Variants in ENKUR observed in about 807,000 individuals in gnomAD.
ENKUR encodes the protein enkurin, TRPC channel interacting protein.
Under a neutral mutation model 27.6 loss-of-function variants are expected in ENKUR, and 19 were observed. The ratio of observed to expected loss-of-function variants is 0.69; its 90% CI spans 0.48 to 1.01. ENKUR has a LOEUF of 1.01. Among genes scored for constraint, ENKUR ranks in the 50% least tolerant of loss-of-function variants. ENKUR has a pLI of 0.00. For missense variants in ENKUR, 312 were observed against 310.5 expected (o/e 1.00, Z -0.04); for synonymous variants, 117 against 96.9 (o/e 1.21, Z -1.22).
chr10:25,059,747 C>A (rs1420125591), intron 2 of ENKUR, among the ~76,000 whole-genome samples: 1 of 152,024 alleles, frequency 6.6e-6, no homozygotes, highest in East Asian at 1.9e-4. Context: ...CTTGAACAAC[C>A]CAGGAGTTTG....
intron 2 of ENKUR, chr10:25,024,855 A>C: frequency 6.2e-7 from 1 of 1,614,128 alleles, no homozygotes; most frequent in Non-Finnish European, 8.5e-7. Context: ...CTGATTTTAT[A>C]AAAACAGGAC....
chr10:25,026,727 C>T (rs1850862382), intron 2 of ENKUR: 1 of 153,706 alleles, frequency 6.5e-6, no homozygotes, highest in African/African-American at 2.4e-5. Context: ...TCTTTGATAA[C>T]ATTCAGTTTC....
At chr10:25,024,331 T>A in intron 2 of ENKUR, 1 of 1,614,204 alleles carries the variant, frequency 6.2e-7, no homozygotes, top group Non-Finnish European at 8.5e-7. Context: ...CCCACCAAGT[T>A]GCAATTATAT....
Position 25,005,115 on chromosome 10 carries a change from T to G in ENKUR, c.78-5569A>C, listed in dbSNP as rs954546044. Among the ~76,000 whole-genome samples the G allele has an allele frequency of 1.3e-4, 20 of 152,186 alleles. 1 individual carries two copies. The highest frequency in any genetic ancestry group is 4.8e-4 in the African/African-American group (20 of 41,446). ...GGTTCTCTATTCTGTTCTATTGATC[T>G]CTGTGTCTGTTCTTGTACCAGTACC... On this transcript the variant is annotated intron_variant, in intron 1 of 5. Coordinates refer to ENST00000331161, the MANE Select transcript of ENKUR (RefSeq NM_145010.4).
At chr10:25,036,853 A>G (rs932817079) in intron 2 of ENKUR, among the ~76,000 whole-genome samples, 7 of 152,142 alleles carry the variant, frequency 4.6e-5, no homozygotes, top group African/African-American at 1.7e-4. Flanking sequence ...GCCCTGGACA[A>G]TTGCCTGCTG....
At chr10:25,022,287 C>T (rs987002463) in intron 2 of ENKUR, among the ~76,000 whole-genome samples, 7 of 152,126 alleles carry the variant, frequency 4.6e-5, no homozygotes, top group Non-Finnish European at 8.8e-5. Context: ...ATTGTTGTCT[C>T]TCATCATTGG....
chr10:24,999,428 GT>G lies in ENKUR; in HGVS notation c.195del (p.Lys65AsnfsTer26), dbSNP rs771006473. ...EVPSPKDFLK[K>X]HSKEKTLPPK... The stretch of plus-strand genomic sequence containing the variant: ...GGTGGTAGAGTTTTTTCCTTTGAAT[GT>G]TTCTTTAGGAAATCCTTTGGAGAAG... On this transcript the variant is annotated frameshift_variant, in exon 2 of 6. Coordinates refer to ENST00000331161, the MANE Select transcript of ENKUR (RefSeq NM_145010.4). LOFTEE classifies it high-confidence loss of function. The G allele has an allele frequency of 1.2e-6, 2 of 1,610,732 alleles. No homozygotes were observed. Among genetic ancestry groups the G allele is most frequent in the Non-Finnish European group, 1.7e-6 (2 of 1,179,146 alleles).
chr10:25,017,135 C>G (rs1850615422), upstream of ENKUR, among the ~76,000 whole-genome samples: 1 of 152,238 alleles, frequency 6.6e-6, no homozygotes, highest in Non-Finnish European at 1.5e-5. Flanking sequence ...ACCAGTGGAC[C>G]TGCTCTTTGT....
chr10:25,030,656 C>T (rs1850923804), intron 2 of ENKUR, among the ~76,000 whole-genome samples: 4 of 152,072 alleles, frequency 2.6e-5, no homozygotes, highest in Admixed American at 2.6e-4. Context: ...CTTTGATGGG[C>T]TTTCTCAATA....
At chr10:24,986,923 A>G (rs757541254) in intron 4 of ENKUR, among the ~76,000 whole-genome samples, 2 of 152,246 alleles carry the variant, frequency 1.3e-5, no homozygotes, top group Middle Eastern at 3.2e-3. Flanking sequence ...CTGAAATAAT[A>G]TCGTTCATTT....
At chr10:25,057,417 ACACACACACAC>A (rs879773920) in intron 2 of ENKUR, among the ~76,000 whole-genome samples, 14 of 150,434 alleles carry the variant, frequency 9.3e-5, no homozygotes, top group South Asian at 4.3e-4. Context: ...ACACACACAC[ACACACACACAC>A]AATGCCCTTA....
At chr10:25,009,663 G>T (rs568657641) in intron 1 of ENKUR, among the ~76,000 whole-genome samples, 2 of 152,216 alleles carry the variant, frequency 1.3e-5, no homozygotes, top group South Asian at 4.1e-4. Flanking sequence ...TTGAATTGTA[G>T]CTCCCATAAT....
intron 1 of ENKUR, among the ~76,000 whole-genome samples, chr10:24,999,759 G>T (rs894338724): frequency 6.6e-6 from 1 of 152,182 alleles, no homozygotes; most frequent in Non-Finnish European, 1.5e-5. Flanking sequence ...TAGGGCAAAA[G>T]TGTTCATAGT....
intron 1 of ENKUR, among the ~76,000 whole-genome samples, chr10:25,005,129 TGTACCA>T (rs1369371720): frequency 6.6e-6 from 1 of 152,152 alleles, no homozygotes; most frequent in Non-Finnish European, 1.5e-5. Context: ...TGTCTGTTCT[TGTACCA>T]GTACCATGCT....
rs2130488540 is a variant in ENKUR, at chr10:25,052,762, G to A, written c.37+8350C>T. 1.4e-5 allele frequency among the ~76,000 whole-genome samples: 2 copies of A among 147,858 alleles called. 1 individual carries two copies. Among genetic ancestry groups the A allele is most frequent in the South Asian group, 4.5e-4 (2 of 4,408 alleles). On this transcript the variant is annotated intron_variant, in intron 2 of 5. Coordinates refer to the ENKUR transcript ENST00000615958. Reference sequence around the variant, plus strand: ...CACTCCAGCCTGAGTTACAGAGTGAGACTCTCTCTTTTTTTTCTTTTTTCT... The same window carrying A: ...CACTCCAGCCTGAGTTACAGAGTGAAACTCTCTCTTTTTTTTCTTTTTTCT...
chr10:25,022,774 T>C (rs1469063011), intron 2 of ENKUR, among the ~76,000 whole-genome samples: 1 of 152,202 alleles, frequency 6.6e-6, no homozygotes, highest in Non-Finnish European at 1.5e-5. Flanking sequence ...CAAATCATCT[T>C]TATATGTGAT....
At chr10:25,021,137 C>T (rs942022625), upstream of ENKUR, among the ~76,000 whole-genome samples, 1 of 152,144 alleles carries the variant, frequency 6.6e-6, no homozygotes, top group African/African-American at 2.4e-5. Context: ...TGCCTTGTAC[C>T]TACATATTTG....
At chr10:25,023,369 C>T (rs1850763669) in intron 2 of ENKUR, 2 of 1,614,026 alleles carry the variant, frequency 1.2e-6, no homozygotes, top group Non-Finnish European at 1.7e-6. Context: ...TGGTATTCAA[C>T]CCACTCTCTT....
chr10:25,043,345 A>G (rs1851085463), intron 2 of ENKUR, among the ~76,000 whole-genome samples: 1 of 152,202 alleles, frequency 6.6e-6, no homozygotes. Context: ...ATGTTTTTAT[A>G]TCAATAGAAT....
Sources: gnomAD v4.1 joint callset for allele counts (sites outside exome capture counted in the v4.1 genomes callset) on GRCh38, gnomAD v4.1.1 for gene constraint, MANE v1.5 for transcripts, NCBI Gene and HGNC (gene_info 2026-07-23, HGNC 2026-07-21) for gene names.